Variants in CRPPA observed in about 807,000 individuals in gnomAD.
The protein encoded by CRPPA is D-ribitol-5-phosphate cytidylyltransferase.
Under a neutral mutation model 52.0 loss-of-function variants are expected in CRPPA, and 43 were observed. That is an observed-to-expected ratio of 0.83 (90% confidence interval 0.65 to 1.07). The LOEUF (loss-of-function observed/expected upper bound fraction) is 1.07, where lower values mean the gene tolerates loss of function less well. Ranked by LOEUF, CRPPA falls within the 50% of genes least tolerant of loss-of-function variation. The probability of loss-of-function intolerance (pLI) is 0.00; values close to 1 mark genes in which losing one functional copy is unlikely to be tolerated. For synonymous variants in CRPPA, 250 were observed against 203.5 expected, an observed-to-expected ratio of 1.23 and a Z score of -1.94; for missense variants, 629 against 551.7, an observed-to-expected ratio of 1.14 and a Z score of -1.40.
chr7:16,419,740 C>T (rs1428201369), intron 1 of CRPPA, among the ~76,000 whole-genome samples: 1 of 152,046 alleles, frequency 6.6e-6, no homozygotes, highest in African/African-American at 2.4e-5. Flanking sequence ...CTCACATAGA[C>T]CCCCTATGAT....
Position 16,406,269 on chromosome 7 carries a change from A to G in CRPPA, c.326T>C (p.Ile109Thr). Reference protein sequence around the residue: ...GENMEVMKSIIQKYQHKRISL... With the variant: ...GENMEVMKSITQKYQHKRISL... ...GATGCGTTTATGCTGATACTTCTGA[A>G]TAATACTTTTCATTACTTCCATGTT... The change falls in exon 2 of 10, where the codon ATT becomes ACT. Residue 109 changes from isoleucine to threonine, a missense_variant. Physicochemically the swap from Ile to Thr is moderately conservative, Grantham distance 89. Coordinates refer to ENST00000407010, the MANE Select transcript of CRPPA (RefSeq NM_001101426.4). 1 of 1,613,962 alleles carries G rather than the reference A, an allele frequency of 6.2e-7. No homozygotes were observed. The highest frequency in any genetic ancestry group is 8.5e-7 in the Non-Finnish European group (1 of 1,179,854).
At chr7:16,335,117 C>G (rs1456469119) in intron 3 of CRPPA, among the ~76,000 whole-genome samples, 1 of 112,524 alleles carries the variant, frequency 8.9e-6, no homozygotes, top group Non-Finnish European at 1.7e-5. Flanking sequence ...TGCAGGAGTT[C>G]AAGACCAGCC....
chr7:16,137,070 A>G (rs1027502923), intron 9 of CRPPA, among the ~76,000 whole-genome samples: 2 of 152,270 alleles, frequency 1.3e-5, no homozygotes, highest in East Asian at 3.8e-4. Flanking sequence ...CTATGGGCTC[A>G]ATATTTGTGT....
intron 8 of CRPPA, among the ~76,000 whole-genome samples, chr7:16,234,547 A>G (rs529320169): frequency 6.6e-6 from 1 of 152,280 alleles, no homozygotes; most frequent in South Asian, 2.1e-4. Context: ...TGTAAATGTC[A>G]TAAAAACTCA....
chr7:16,228,219 G>GTCTA (rs1288213491), intron 8 of CRPPA, among the ~76,000 whole-genome samples: 1 of 151,646 alleles, frequency 6.6e-6, no homozygotes, highest in East Asian at 1.9e-4. Flanking sequence ...ACTATTCAGG[G>GTCTA]TCTAGCAAAA....
intron 3 of CRPPA, among the ~76,000 whole-genome samples, chr7:16,341,451 T>C (rs1456280055): frequency 1.3e-5 from 2 of 152,188 alleles, no homozygotes; most frequent in African/African-American, 2.4e-5. Flanking sequence ...TGACTTTTAA[T>C]TGCCACTACT....
chr7:16,417,729 A>G (rs925570426), intron 1 of CRPPA, among the ~76,000 whole-genome samples: 1 of 150,350 alleles, frequency 6.7e-6, no homozygotes, highest in Non-Finnish European at 1.5e-5. Flanking sequence ...CTTCAGCATC[A>G]CACAATATAC....
intron 8 of CRPPA, among the ~76,000 whole-genome samples, chr7:16,257,713 C>G (rs1783681710): frequency 6.6e-6 from 1 of 152,042 alleles, no homozygotes; most frequent in Non-Finnish European, 1.5e-5. Flanking sequence ...GTCTGGAACC[C>G]CTTCACACAG....
intron 5 of CRPPA, among the ~76,000 whole-genome samples, chr7:16,296,341 C>T (rs1226381587): frequency 6.6e-6 from 1 of 152,026 alleles, no homozygotes; most frequent in Non-Finnish European, 1.5e-5. Context: ...TCAAAATTCC[C>T]ATACTAAACC....
At chr7:16,199,706 T>A (rs1259838099) in intron 9 of CRPPA, among the ~76,000 whole-genome samples, 1 of 152,110 alleles carries the variant, frequency 6.6e-6, no homozygotes, top group Non-Finnish European at 1.5e-5. Flanking sequence ...ACTTGAAGTA[T>A]CTTTACACTG....
chr7:16,266,312 G>A (rs922467467), intron 6 of CRPPA: 2 of 152,046 alleles, frequency 1.3e-5, no homozygotes, highest in Non-Finnish European at 2.9e-5. Context: ...CATTATTGTG[G>A]TAAGTCTTCC....
Position 16,087,814 on chromosome 7 carries a change from T to G in CRPPA, c.*3881A>C, listed in dbSNP as rs1357788408. ...TCTAAATAACTTCTATCTTTCTTCTTGCATATGGTTGACATTTTAATTAAG... is the reference window on the plus strand; with the variant it reads ...TCTAAATAACTTCTATCTTTCTTCTGGCATATGGTTGACATTTTAATTAAG... On this transcript the variant is annotated 3_prime_UTR_variant, in exon 10 of 10. Coordinates refer to ENST00000407010, the MANE Select transcript of CRPPA (RefSeq NM_001101426.4). The G allele has an allele frequency of 6.6e-6, 1 of 152,194 alleles. No homozygotes were observed. Among genetic ancestry groups the G allele is most frequent in the African/African-American group, 2.4e-5 (1 of 41,454 alleles). The allele number at this position is 152,194 out of a possible 1,614,324, so 9.4% of individuals were successfully genotyped here.
intron 8 of CRPPA, among the ~76,000 whole-genome samples, chr7:16,249,087 A>T: frequency 6.6e-6 from 1 of 152,162 alleles, no homozygotes; most frequent in East Asian, 1.9e-4. Context: ...TTATGCTTAC[A>T]GTGTAAACAA....
intron 6 of CRPPA, among the ~76,000 whole-genome samples, chr7:16,275,719 C>T (rs1431502737): frequency 6.6e-6 from 1 of 152,016 alleles, no homozygotes; most frequent in Non-Finnish European, 1.5e-5. Flanking sequence ...GTGGTCCCAG[C>T]TACTCAGGAA....
At chr7:16,170,802 C>T (rs547030996) in intron 9 of CRPPA, among the ~76,000 whole-genome samples, 3 of 152,290 alleles carry the variant, frequency 2.0e-5, no homozygotes, top group Admixed American at 6.5e-5. Flanking sequence ...CCTGGTGCAC[C>T]CTATGCAGCT....
intron 8 of CRPPA, among the ~76,000 whole-genome samples, chr7:16,241,661 G>T (rs539660322): frequency 6.6e-6 from 1 of 152,020 alleles, no homozygotes; most frequent in Non-Finnish European, 1.5e-5. Flanking sequence ...ACAAAATATT[G>T]CCCACTATTT....
intron 6 of CRPPA, among the ~76,000 whole-genome samples, chr7:16,263,449 C>A (rs1489905565): frequency 6.6e-6 from 1 of 152,092 alleles, no homozygotes; most frequent in African/African-American, 2.4e-5. Context: ...AAGATATACA[C>A]TCTTAGAATA....
At chr7:16,330,069 C>G (rs1410953945) in intron 3 of CRPPA, among the ~76,000 whole-genome samples, 1 of 152,216 alleles carries the variant, frequency 6.6e-6, no homozygotes, top group Non-Finnish European at 1.5e-5. Context: ...TTCTCTGGAA[C>G]TAACTTTGAA....
chr7:16,254,792 G>GGAAAGAAAAAAA (rs1783574585), intron 8 of CRPPA, among the ~76,000 whole-genome samples: 1 of 101,662 alleles, frequency 9.8e-6, no homozygotes, highest in African/African-American at 4.1e-5. Context: ...AAAGAAAGAA[G>GGAAAGAAAAAAA]GAAAGAAAGA....
Sources: allele counts gnomAD v4.1 joint callset (sites outside exome capture counted in the v4.1 genomes callset), GRCh38; gene constraint gnomAD v4.1.1; transcripts MANE v1.5; gene names NCBI Gene and HGNC (gene_info 2026-07-23, HGNC 2026-07-21).